Variants in CNNM2 observed in about 807,000 individuals in gnomAD.
CNNM2 encodes metal transporter CNNM2.
Under a neutral mutation model 66.9 loss-of-function variants are expected in CNNM2, and 12 were observed. The observed-to-expected ratio is 0.18, with a 90% CI of 0.11 to 0.29. CNNM2 has a LOEUF of 0.29. Among genes scored for constraint, CNNM2 ranks in the 10% least tolerant of loss-of-function variants. The probability of loss-of-function intolerance (pLI) is 1.00; values close to 1 mark genes in which losing one functional copy is unlikely to be tolerated. For missense variants in CNNM2, 705 were observed against 1,167.7 expected (o/e 0.60, Z 5.77); for synonymous variants, 557 against 501.8 (o/e 1.11, Z -1.47).
chr10:102,957,852 G>A (rs140186289), intron 1 of CNNM2, among the ~76,000 whole-genome samples: 237 of 152,324 alleles, frequency 1.6e-3, no homozygotes, highest in Non-Finnish European at 2.9e-3. Context: ...TCCTTAAAAG[G>A]ATCACAATAT....
intron 1 of CNNM2, among the ~76,000 whole-genome samples, chr10:103,034,011 T>C (rs904196920): frequency 1.3e-5 from 2 of 151,938 alleles, no homozygotes; most frequent in African/African-American, 2.4e-5. Flanking sequence ...TTTCACCCTT[T>C]CATTTTTTTT....
chr10:103,045,630 C>T (rs540696918), intron 1 of CNNM2, among the ~76,000 whole-genome samples: 1 of 141,818 alleles, frequency 7.1e-6, no homozygotes, highest in African/African-American at 2.6e-5. Context: ...TGTCATTAAA[C>T]AAAAATTATA....
chr10:102,935,243 T>C (rs1846197999), intron 1 of CNNM2, among the ~76,000 whole-genome samples: 1 of 151,332 alleles, frequency 6.6e-6, no homozygotes, highest in East Asian at 1.9e-4. Context: ...GTGGGAGGAT[T>C]GCTTGAGTCC....
chr10:102,961,537 C>T (rs955420873), intron 1 of CNNM2, among the ~76,000 whole-genome samples: 11 of 151,902 alleles, frequency 7.2e-5, no homozygotes, highest in African/African-American at 2.2e-4. Context: ...TAATGAAATG[C>T]TTTTCCTGTA....
chr10:102,924,396 G>A (rs1845772070), intron 1 of CNNM2, among the ~76,000 whole-genome samples: 1 of 152,164 alleles, frequency 6.6e-6, no homozygotes, highest in African/African-American at 2.4e-5. Flanking sequence ...AGCTGCTAGG[G>A]ACTTAGCCAG....
Position 103,056,938 on chromosome 10 carries a change from G to A in CNNM2, c.2047G>A (p.Val683Ile). 1 of 1,612,874 alleles carries A rather than the reference G, an allele frequency of 6.2e-7. No homozygotes were observed. The highest frequency in any genetic ancestry group is 8.5e-7 in the Non-Finnish European group (1 of 1,179,594). The change falls in exon 4 of 8, where the codon GTA (valine) becomes ATA (isoleucine). Residue 683 changes from valine to isoleucine, a missense_variant. Around this residue, in one of 9 missense-constraint regions of CNNM2, gnomAD observed 171 missense variants for 304.8 expected, o/e 0.56. Transcript: ENST00000369878. ...CTACCTCTACCAGCGCAACAAGCCAGTAGACTACTTCGTTCTCATTCTGCA... is the reference window on the plus strand; with the variant it reads ...CTACCTCTACCAGCGCAACAAGCCAATAGACTACTTCGTTCTCATTCTGCA... Reference protein sequence around the residue: ...EYYLYQRNKPVDYFVLILQGK... With the variant: ...EYYLYQRNKPIDYFVLILQGK...
rs1312312704 is a variant in CNNM2, at chr10:103,081,034, TC to T, written c.*3858del. On this transcript the variant is annotated 3_prime_UTR_variant, in exon 8 of 8. Coordinates refer to ENST00000369878, the MANE Select transcript of CNNM2 (RefSeq NM_017649.5). ...GGGCAACCAGAGTTGCCCCTGTGGT[TC>T]CCCAGGGGTGATCCTAGGCAGATGA... 1 of 152,040 alleles carries T rather than the reference TC, an allele frequency of 6.6e-6. No homozygotes were observed. Among genetic ancestry groups the T allele is most frequent in the Non-Finnish European group, 1.5e-5 (1 of 67,996 alleles). 9.4% of individuals were successfully genotyped at this position (152,040 alleles called of 1,614,324 possible).
chr10:102,947,804 C>A lies in CNNM2; in HGVS notation c.1621+27703C>A, dbSNP rs150459188. Among the ~76,000 whole-genome samples the A allele has an allele frequency of 5.1e-3, 775 of 152,192 alleles. 15 individuals carry two copies. The highest frequency in any genetic ancestry group is 8.5e-3 in the East Asian group (44 of 5,164). ...CGGTGGCTCATGCCTGTAATCCTAG[C>A]ACTTTGGGAGGCCAAGGCGGGCAAA... On this transcript the variant is annotated intron_variant, in intron 1 of 7. Transcript: ENST00000369878.
intron 1 of CNNM2, among the ~76,000 whole-genome samples, chr10:103,003,985 ATTT>A (rs869152743): frequency 2.4e-5 from 2 of 83,968 alleles, no homozygotes; most frequent in African/African-American, 9.6e-5. Flanking sequence ...CATTGCATGA[ATTT>A]TTTTTTTTTT....
chr10:103,063,118 T>A (rs1168479933), intron 4 of CNNM2, among the ~76,000 whole-genome samples: 1 of 152,238 alleles, frequency 6.6e-6, no homozygotes. Context: ...GTCAGTCAGA[T>A]GGTCCAAAAT....
chr10:103,036,296 T>C (rs2064937352), intron 1 of CNNM2, among the ~76,000 whole-genome samples: 1 of 152,210 alleles, frequency 6.6e-6, no homozygotes, highest in Non-Finnish European at 1.5e-5. Flanking sequence ...TTGTTTTCTA[T>C]GGGAGAAATT....
At chr10:102,965,976 A>G (rs2063458163) in intron 1 of CNNM2, among the ~76,000 whole-genome samples, 1 of 152,180 alleles carries the variant, frequency 6.6e-6, no homozygotes, top group Non-Finnish European at 1.5e-5. Flanking sequence ...ATCTTAACCA[A>G]GATTTTTGCC....
chr10:102,935,963 A>T (rs1461272382), intron 1 of CNNM2, among the ~76,000 whole-genome samples: 2 of 151,344 alleles, frequency 1.3e-5, no homozygotes, highest in African/African-American at 4.9e-5. Context: ...TGACCAGAAG[A>T]GACAAAATGA....
chr10:103,000,100 G>T (rs943997672), intron 1 of CNNM2, among the ~76,000 whole-genome samples: 1 of 152,080 alleles, frequency 6.6e-6, no homozygotes, highest in African/African-American at 2.4e-5. Flanking sequence ...GTTGGGTGTG[G>T]TGGCAGGCAC....
intron 1 of CNNM2, among the ~76,000 whole-genome samples, chr10:103,024,945 T>G (rs1274796570): frequency 6.6e-6 from 1 of 152,178 alleles, no homozygotes; most frequent in Non-Finnish European, 1.5e-5. Flanking sequence ...AACACCTTCA[T>G]CAGTAATACT....
intron 1 of CNNM2, among the ~76,000 whole-genome samples, chr10:102,999,196 G>A (rs1052087311): frequency 1.3e-5 from 2 of 150,364 alleles, no homozygotes; most frequent in African/African-American, 4.9e-5. Context: ...TCAGCCTCCC[G>A]AGTAGCTGGG....
At chr10:103,034,798 C>A (rs1048235084) in intron 1 of CNNM2, among the ~76,000 whole-genome samples, 1 of 151,978 alleles carries the variant, frequency 6.6e-6, no homozygotes, top group African/African-American at 2.4e-5. Context: ...AACCCCGTCT[C>A]TACTAAAAAT....
Position 103,084,507 on chromosome 10 carries a change from T to A in CNNM2, c.*7327T>A, listed in dbSNP as rs2065785273. 6.6e-6 allele frequency: 1 copy of A among 152,204 alleles called. No individual in the cohort carries two copies. Among genetic ancestry groups the A allele is most frequent in the Admixed American group, 6.5e-5 (1 of 15,278 alleles). The allele number at this position is 152,204 out of a possible 1,614,324, so 9.4% of individuals were successfully genotyped here. Reference sequence around the variant, plus strand: ...GCAGAGCTAGGGAAAGAAATCATGGTAGCACATTCACTCCCAGCCTCCTGC... The same window carrying A: ...GCAGAGCTAGGGAAAGAAATCATGGAAGCACATTCACTCCCAGCCTCCTGC... On this transcript the variant is annotated 3_prime_UTR_variant, in exon 8 of 8. Transcript: ENST00000369878.
chr10:102,976,861 G>T (rs2063642859), intron 1 of CNNM2, among the ~76,000 whole-genome samples: 1 of 151,896 alleles, frequency 6.6e-6, no homozygotes, highest in South Asian at 2.1e-4. Flanking sequence ...TGTACGTTAA[G>T]GGTTTAATAA....
Sources: allele counts gnomAD v4.1 joint callset (sites outside exome capture counted in the v4.1 genomes callset), GRCh38; gene constraint gnomAD v4.1.1; regional missense constraint gnomAD v4.1.1; transcripts MANE v1.5; gene names NCBI Gene and HGNC (gene_info 2026-07-23, HGNC 2026-07-21).